Variants in CSMD1 observed in about 807,000 individuals in gnomAD.
CSMD1 encodes the protein CUB and Sushi multiple domains 1.
In CSMD1, 213 loss-of-function variants were observed where a neutral mutation model predicts 417.5. That is an observed-to-expected ratio of 0.51 (90% CI 0.46 to 0.57). The LOEUF (loss-of-function observed/expected upper bound fraction) is 0.57, where lower values mean the gene tolerates loss of function less well. CSMD1 is among the 20% of genes least tolerant of loss of function. CSMD1 has a pLI of 0.00. For synonymous variants in CSMD1, 2,862 were observed against 1,736.8 expected (o/e 1.65, Z -16.11); for missense variants, 6,923 against 4,529.7 (o/e 1.53, Z -15.17).
chr8:4,858,090 G>A lies in CSMD1; in HGVS notation c.85+136242C>T, dbSNP rs529385387. On this transcript the variant is annotated intron_variant, in intron 1 of 69. Coordinates refer to ENST00000635120, the MANE Select transcript of CSMD1 (RefSeq NM_033225.6). ...CATGATCAAGTGGGCTGCATCCCTGGGATGCAAGGCTGGTTCAATATACGC... is the reference window on the plus strand; with the variant it reads ...CATGATCAAGTGGGCTGCATCCCTGAGATGCAAGGCTGGTTCAATATACGC... Among the ~76,000 whole-genome samples, 8 of 151,972 alleles carry A rather than the reference G, an allele frequency of 5.3e-5. No homozygotes were observed. The South Asian group carries it at 6.3e-4, about 12-fold the overall frequency.
At position 3,817,252 on chromosome 8, in the gene CSMD1, C is replaced by CTTTTTTTTTTTT. The variant is rs767668610; in HGVS notation, c.819-63222_819-63211dup. ...TCCAAAGTGGTCATATCTTCTTCTTCTTTTTTTTTTTTTTTTTTTTTTTTT... is the reference window on the plus strand; with the variant it reads ...TCCAAAGTGGTCATATCTTCTTCTTCTTTTTTTTTTTTTTTTTTTTTTTTTTTTTTTTTTTTT... On this transcript the variant is annotated intron_variant, in intron 5 of 69. Coordinates refer to ENST00000635120, the MANE Select transcript of CSMD1 (RefSeq NM_033225.6). Among the ~76,000 whole-genome samples the CTTTTTTTTTTTT allele has an allele frequency of 3.1e-4, 17 of 54,420 alleles. 2 individuals are homozygous for CTTTTTTTTTTTT. Among genetic ancestry groups the CTTTTTTTTTTTT allele is most frequent in the East Asian group, 7.0e-4 (1 of 1,420 alleles). The allele number at this position is 54,420 out of a possible 152,430, so 35.7% of individuals were successfully genotyped here. A position where few individuals can be genotyped will look rare whatever the true frequency, so the allele number is the denominator to read the frequency against.
intron 2 of CSMD1, among the ~76,000 whole-genome samples, chr8:4,539,978 T>C (rs1032089807): frequency 3.9e-5 from 6 of 152,204 alleles, no homozygotes; most frequent in African/African-American, 7.2e-5. Flanking sequence ...TGCCTGCAGA[T>C]GCCCATGGCT....
chr8:3,019,004 A>G (rs991012587), intron 51 of CSMD1, among the ~76,000 whole-genome samples: 4 of 151,790 alleles, frequency 2.6e-5, no homozygotes, highest in Non-Finnish European at 4.4e-5. Flanking sequence ...TGCTACCTCT[A>G]CCTCCCCGGT....
intron 7 of CSMD1, among the ~76,000 whole-genome samples, chr8:3,673,428 T>C (rs1799189432): frequency 6.6e-6 from 1 of 152,242 alleles, no homozygotes; most frequent in Admixed American, 6.5e-5. Context: ...TCAACTCCCC[T>C]TGGTCTCTGG....
At chr8:3,970,194 C>G (rs1375200893) in intron 5 of CSMD1, among the ~76,000 whole-genome samples, 1 of 151,842 alleles carries the variant, frequency 6.6e-6, no homozygotes, top group Non-Finnish European at 1.5e-5. Context: ...GAACAAGGGA[C>G]TTTCTTTTAC....
At chr8:4,931,304 G>T (rs1269227169) in intron 1 of CSMD1, among the ~76,000 whole-genome samples, 1 of 152,034 alleles carries the variant, frequency 6.6e-6, no homozygotes, top group Non-Finnish European at 1.5e-5. Context: ...TCAGGACATA[G>T]TTCTCCTTCT....
chr8:3,628,952 G>C (rs951690537), intron 7 of CSMD1, among the ~76,000 whole-genome samples: 1 of 151,950 alleles, frequency 6.6e-6, no homozygotes, highest in African/African-American at 2.4e-5. Context: ...AGAAACAAAA[G>C]AAGAATAAAA....
rs371884842 is a variant in CSMD1 at position 4,320,837 on chromosome 8, C to T, written c.415+99116G>A. On this transcript the variant is annotated intron_variant, in intron 3 of 69. Transcript: ENST00000635120. ...TGACCCAACAATCCCATTACTATAA[C>T]CCAAAGGATTATAAATCATTCTACT... is the stretch of plus-strand genomic sequence containing the variant. Among the ~76,000 whole-genome samples the T allele has an allele frequency of 1.2e-4, 19 of 152,114 alleles. No individual in the cohort carries two copies. In the East Asian group the frequency reaches 2.3e-3, roughly 19 times the overall value.
At chr8:3,964,860 GA>G (rs1812564294) in intron 5 of CSMD1, among the ~76,000 whole-genome samples, 1 of 152,074 alleles carries the variant, frequency 6.6e-6, no homozygotes, top group African/African-American at 2.4e-5. Context: ...TTCCACTTTT[GA>G]AAAAGTGTGA....
At chr8:3,435,910 C>G (rs1052331021) in intron 12 of CSMD1, among the ~76,000 whole-genome samples, 4 of 152,194 alleles carry the variant, frequency 2.6e-5, no homozygotes, top group Admixed American at 2.0e-4. Context: ...TGAGTCTTCC[C>G]CTATAGCTTA....
intron 1 of CSMD1, among the ~76,000 whole-genome samples, chr8:4,841,648 C>G (rs776689752): frequency 1.3e-5 from 2 of 152,010 alleles, no homozygotes; most frequent in South Asian, 4.1e-4. Flanking sequence ...CGGTGGCTCA[C>G]GCCTGTAATC....
intron 2 of CSMD1, among the ~76,000 whole-genome samples, chr8:4,605,171 C>T (rs1404790507): frequency 6.6e-6 from 1 of 152,126 alleles, no homozygotes; most frequent in Non-Finnish European, 1.5e-5. Context: ...AAAGACAGAA[C>T]AACTTCAAAT....
intron 7 of CSMD1, among the ~76,000 whole-genome samples, chr8:3,703,981 G>A (rs879493770): frequency 7.2e-5 from 11 of 152,150 alleles, no homozygotes; most frequent in African/African-American, 1.7e-4. Context: ...TGAGACAGGA[G>A]AATCACATGA....
At chr8:3,194,846 C>T (rs1240300211) in intron 33 of CSMD1, among the ~76,000 whole-genome samples, 1 of 152,022 alleles carries the variant, frequency 6.6e-6, no homozygotes, top group East Asian at 1.9e-4. Context: ...AAGCCTTGAG[C>T]TCCTGAGCCT....
intron 3 of CSMD1, among the ~76,000 whole-genome samples, chr8:4,150,720 C>G (rs888229603): frequency 1.3e-5 from 2 of 152,154 alleles, no homozygotes; most frequent in Non-Finnish European, 2.9e-5. Context: ...AAAGCAGATT[C>G]AGAATGCAGA....
At position 3,291,829 on chromosome 8, in the gene CSMD1, A is replaced by G. The variant is rs191946439; in HGVS notation, c.3951-7483T>C. ...GGTTTTTTGCGTCTCTATTTCCTTC[A>G]GTTCTGCTCCGATCTTAGTTATTTC... On this transcript the variant is annotated intron_variant, in intron 25 of 69. Coordinates refer to ENST00000635120, the MANE Select transcript of CSMD1 (RefSeq NM_033225.6). Among the ~76,000 whole-genome samples the G allele has an allele frequency of 2.2e-3, 337 of 151,936 alleles. 3 individuals are homozygous for G. The highest frequency in any genetic ancestry group is 7.8e-3 in the African/African-American group (322 of 41,430).
chr8:3,300,300 T>C (rs557860894), intron 25 of CSMD1, among the ~76,000 whole-genome samples: 62 of 152,286 alleles, frequency 4.1e-4, no homozygotes, highest in Non-Finnish European at 7.5e-4. Context: ...TAAAAAGCTA[T>C]ATCACCTTTT....
chr8:3,110,387 T>C lies in CSMD1; in HGVS notation c.6431-52A>G, dbSNP rs6999029. ...GCGCCATACAGCTGATTTTAGAGAG[T>C]AGAAAGCTAAATATTTGACTCCAAA... On this transcript the variant is annotated intron_variant, in intron 42 of 69. Coordinates refer to ENST00000635120, the MANE Select transcript of CSMD1 (RefSeq NM_033225.6). 0.012 allele frequency: 16,991 copies of C among 1,443,736 alleles called. 1,560 individuals are homozygous for C. In the African/African-American group the frequency reaches 0.21, roughly 18 times the overall value. The allele number at this position is 1,443,736 out of a possible 1,614,324, so 89.4% of individuals were successfully genotyped here. A position where few individuals can be genotyped will look rare whatever the true frequency, so the allele number is the denominator to read the frequency against.
At position 3,101,134 on chromosome 8, in the gene CSMD1, C is replaced by T. The variant is rs149659164; in HGVS notation, c.6950-4097G>A. Among the ~76,000 whole-genome samples, 789 of 150,414 alleles carry T rather than the reference C, an allele frequency of 5.2e-3. 10 individuals carry two copies. Among genetic ancestry groups the T allele is most frequent in the African/African-American group, 0.018 (741 of 40,890 alleles). ...CCCCAAGGTCCACAGGATGAAGAAA[C>T]CTGACGTTGAAGACCTTTAAAGTCA... On this transcript the variant is annotated intron_variant, in intron 46 of 69. Coordinates refer to ENST00000635120, the MANE Select transcript of CSMD1 (RefSeq NM_033225.6).
Sources: gnomAD v4.1 joint callset for allele counts (sites outside exome capture counted in the v4.1 genomes callset) on GRCh38, gnomAD v4.1.1 for gene constraint, MANE v1.5 for transcripts, NCBI Gene and HGNC (gene_info 2026-07-23, HGNC 2026-07-21) for gene names.